Variants in RAPGEF5 observed in about 807,000 individuals in gnomAD.
RAPGEF5 encodes the protein M-Ras-regulated GEF.
RAPGEF5 carries 65 observed loss-of-function variants against 125.2 expected under a neutral mutation model. The observed-to-expected ratio is 0.52, with a 90% CI of 0.43 to 0.64. The LOEUF is 0.64. Ranked by LOEUF, RAPGEF5 falls within the 30% of genes least tolerant of loss-of-function variation. The pLI is 0.00. For synonymous variants in RAPGEF5, 391 were observed against 385.9 expected (o/e 1.01, Z -0.16); for missense variants, 958 against 1,048.1 (o/e 0.91, Z 1.19).
intron 9 of RAPGEF5, among the ~76,000 whole-genome samples, chr7:22,217,657 A>G (rs114924381): frequency 0.022 from 3,304 of 152,306 alleles, 108 homozygotes; most frequent in African/African-American, 0.075. Context: ...TATCACTAGA[A>G]AGAAAGATCC....
Position 22,150,365 on chromosome 7 carries a change from G to T in RAPGEF5, c.1884+42C>A, listed in dbSNP as rs777083040. On this transcript the variant is annotated intron_variant, in intron 18 of 25. Coordinates refer to ENST00000665637, the MANE Select transcript of RAPGEF5 (RefSeq NM_012294.5). Reference sequence around the variant, plus strand: ...TCAGATTACAGGTATGAGCCACCTCGCCTGGCCTGTTTGTTTCAAATACAA... The same window carrying T: ...TCAGATTACAGGTATGAGCCACCTCTCCTGGCCTGTTTGTTTCAAATACAA... The T allele has an allele frequency of 5.1e-6, 8 of 1,582,170 alleles. 1 individual carries two copies. In the South Asian group the frequency reaches 9.4e-5, roughly 19 times the overall value.
intron 11 of RAPGEF5, among the ~76,000 whole-genome samples, chr7:22,184,405 AC>A (rs1224839989): frequency 6.6e-6 from 1 of 152,200 alleles, no homozygotes; most frequent in Non-Finnish European, 1.5e-5. Context: ...CATTTGCATA[AC>A]CTTTCATGCT....
intron 1 of RAPGEF5, among the ~76,000 whole-genome samples, chr7:22,352,430 A>C (rs1784347724): frequency 6.6e-6 from 1 of 152,034 alleles, no homozygotes; most frequent in African/African-American, 2.4e-5. Context: ...AAAATTCATC[A>C]ATGCTCCTTG....
chr7:22,257,504 T>C (rs912353600), intron 7 of RAPGEF5, among the ~76,000 whole-genome samples: 2 of 152,226 alleles, frequency 1.3e-5, no homozygotes, highest in African/African-American at 4.8e-5. Flanking sequence ...CTCACTATTG[T>C]ATCCTGTGTC....
chr7:22,295,584 T>C (rs1783041217), intron 5 of RAPGEF5, among the ~76,000 whole-genome samples: 1 of 152,158 alleles, frequency 6.6e-6, no homozygotes, highest in South Asian at 2.1e-4. Context: ...AATGGAAATT[T>C]TGAAGGACTT....
chr7:22,334,912 G>A (rs576803319), intron 1 of RAPGEF5, among the ~76,000 whole-genome samples: 4 of 152,246 alleles, frequency 2.6e-5, no homozygotes, highest in South Asian at 2.1e-4. Context: ...CTCTCCAGCC[G>A]TCCAATAATT....
chr7:22,132,487 T>C (rs1347918281), intron 23 of RAPGEF5, among the ~76,000 whole-genome samples: 1 of 152,236 alleles, frequency 6.6e-6, no homozygotes, highest in Admixed American at 6.5e-5. Context: ...TTTGAAATTT[T>C]GCTTGCAGAA....
intron 8 of RAPGEF5, among the ~76,000 whole-genome samples, chr7:22,226,709 A>C (rs1785927443): frequency 1.3e-5 from 2 of 152,168 alleles, no homozygotes; most frequent in African/African-American, 4.8e-5. Context: ...CTGGGGCATC[A>C]GGGAGCTTTA....
chr7:22,267,786 G>C (rs939716664), intron 6 of RAPGEF5, among the ~76,000 whole-genome samples: 15 of 151,794 alleles, frequency 9.9e-5, no homozygotes, highest in Non-Finnish European at 1.5e-4. Context: ...TCCATAATGA[G>C]GAAGCTCTCT....
At position 22,160,536 on chromosome 7, in the gene RAPGEF5, A is replaced by G; in HGVS notation, c.1508T>C (p.Leu503Pro). The change falls in exon 14 of 26, where the codon CTT becomes CCT. Residue 503 changes from leucine (L) to proline (P), a missense_variant. Coordinates refer to ENST00000665637, the MANE Select transcript of RAPGEF5 (RefSeq NM_012294.5). The stretch of plus-strand genomic sequence containing the variant: ...TACTTACTGACGACGGTGCATTCCA[A>G]GTATCTTTTGAAATTCTTTCAATTC... Reference protein sequence around the residue: ...EKELKEFQKILGMHRRHTVDE... With the variant: ...EKELKEFQKIPGMHRRHTVDE... 1 of 1,547,852 alleles carries G rather than the reference A, an allele frequency of 6.5e-7. No individual in the cohort carries two copies. The highest frequency in any genetic ancestry group is 8.7e-7 in the Non-Finnish European group (1 of 1,146,028).
At position 22,237,422 on chromosome 7, in the gene RAPGEF5, A is replaced by C. The variant is rs1234038363; in HGVS notation, c.797-6503T>G. On this transcript the variant is annotated intron_variant, in intron 7 of 25. Transcript: ENST00000665637. ...CTTCTGGTCTTAAAGCTTGAGACTT[A>C]TATTTGTTTTATCTGAGTTCTTTCC... Among the ~76,000 whole-genome samples, 3 of 143,846 alleles carry C rather than the reference A, an allele frequency of 2.1e-5. No individual in the cohort carries two copies. The Admixed American group carries it at 2.1e-4, about 10-fold the overall frequency. The allele number at this position is 143,846 out of a possible 152,430, so 94.4% of individuals were successfully genotyped here.
At chr7:22,269,735 G>A (rs1345303322) in intron 6 of RAPGEF5, among the ~76,000 whole-genome samples, 3 of 152,218 alleles carry the variant, frequency 2.0e-5, no homozygotes, top group Admixed American at 1.3e-4. Flanking sequence ...TTCTTTGTGT[G>A]TTAATAAGGG....
In RAPGEF5 at chr7:22,122,338, A is replaced by ACGTGCTTGGCATAGACATTCC; in HGVS notation, c.*47_*67dup. On this transcript the variant is annotated 3_prime_UTR_variant, in exon 26 of 26. Coordinates refer to ENST00000665637, the MANE Select transcript of RAPGEF5 (RefSeq NM_012294.5). Reference sequence around the variant, plus strand: ...CAACTTCTTTTCTCACAGGAAAGCAACGTGCTTGGCATAGACATTCCCGTA... The same window carrying ACGTGCTTGGCATAGACATTCC: ...CAACTTCTTTTCTCACAGGAAAGCAACGTGCTTGGCATAGACATTCCCGTGCTTGGCATAGACATTCCCGTA... 1 of 1,306,914 alleles carries ACGTGCTTGGCATAGACATTCC rather than the reference A, an allele frequency of 7.7e-7. No individual in the cohort carries two copies. The highest frequency in any genetic ancestry group is 1.5e-5 in the African/African-American group (1 of 68,608). The allele number at this position is 1,306,914 out of a possible 1,614,324, so 81.0% of individuals were successfully genotyped here.
At chr7:22,136,146 C>T (rs1474630081) in intron 22 of RAPGEF5, 21 bp from the exon 23 acceptor site, 3 of 1,552,198 alleles carry the variant, frequency 1.9e-6, no homozygotes, top group Non-Finnish European at 2.6e-6. Flanking sequence ...AAGCAGATTA[C>T]AAAGAGAAAG....
intron 6 of RAPGEF5, among the ~76,000 whole-genome samples, chr7:22,272,553 T>C (rs1782460002): frequency 6.6e-6 from 1 of 152,068 alleles, no homozygotes. Flanking sequence ...GATGCCATGA[T>C]AGAAATGTTT....
intron 8 of RAPGEF5, among the ~76,000 whole-genome samples, chr7:22,221,457 A>G (rs1785786693): frequency 6.6e-6 from 1 of 152,170 alleles, no homozygotes; most frequent in African/African-American, 2.4e-5. Context: ...TCTCATTTTA[A>G]TATTCTCCAG....
intron 18 of RAPGEF5, 142 bp downstream of exon 18, chr7:22,150,265 C>T (rs1237939439): frequency 4.2e-6 from 3 of 717,604 alleles, no homozygotes; most frequent in South Asian, 4.3e-5. Context: ...TTTGTAGAGA[C>T]AGGGTTGCAA....
chr7:22,266,145 C>T (rs1176243993), intron 7 of RAPGEF5, among the ~76,000 whole-genome samples: 1 of 152,190 alleles, frequency 6.6e-6, no homozygotes, highest in East Asian at 1.9e-4. Flanking sequence ...GTTGCTGAGA[C>T]ATTTCCATTC....
chr7:22,300,599 T>A (rs1426976028), intron 5 of RAPGEF5, among the ~76,000 whole-genome samples: 1 of 152,166 alleles, frequency 6.6e-6, no homozygotes, highest in Admixed American at 6.5e-5. Flanking sequence ...GTACCTTGGG[T>A]CTGTCCCGCA....
Sources: allele counts gnomAD v4.1 joint callset (sites outside exome capture counted in the v4.1 genomes callset), GRCh38; gene constraint gnomAD v4.1.1; transcripts MANE v1.5; gene names NCBI Gene and HGNC (gene_info 2026-07-23, HGNC 2026-07-21).